Variants in NR3C2 observed in about 807,000 individuals in gnomAD.
The protein encoded by NR3C2 is mineralocorticoid receptor.
A neutral mutation model predicts 86.4 loss-of-function variants in NR3C2; 15 were observed. The observed-to-expected ratio is 0.17, with a 90% CI of 0.12 to 0.27. The LOEUF (loss-of-function observed/expected upper bound fraction) is 0.27, where lower values mean the gene tolerates loss of function less well. Ranked by LOEUF, NR3C2 falls within the 10% of genes least tolerant of loss-of-function variation. NR3C2 has a pLI of 1.00. For synonymous variants in NR3C2, 458 were observed against 450.5 expected (o/e 1.02, Z -0.21); for missense variants, 960 against 1,195.6 (o/e 0.80, Z 2.91).
intron 3 of NR3C2, among the ~76,000 whole-genome samples, chr4:148,207,750 G>C (rs1737075776): frequency 6.6e-6 from 1 of 152,116 alleles, no homozygotes; most frequent in Non-Finnish European, 1.5e-5. Context: ...TTATCCATGA[G>C]GGACATGTTC....
intron 3 of NR3C2, among the ~76,000 whole-genome samples, chr4:148,221,846 A>T (rs1560985797): frequency 6.7e-6 from 1 of 149,566 alleles, no homozygotes; most frequent in Admixed American, 6.7e-5. Context: ...GTGAGCCAAG[A>T]TCTCACCATT....
intron 2 of NR3C2, among the ~76,000 whole-genome samples, chr4:148,379,838 T>TCA (rs796354033): frequency 1.4e-5 from 2 of 147,136 alleles, no homozygotes; most frequent in African/African-American, 5.4e-5. Context: ...TCACAGATGC[T>TCA]CACTTATTAA....
At chr4:148,095,720 C>G (rs1168604590) in intron 8 of NR3C2, among the ~76,000 whole-genome samples, 1 of 152,156 alleles carries the variant, frequency 6.6e-6, no homozygotes, top group Non-Finnish European at 1.5e-5. Context: ...AGGGCTGGTT[C>G]CAGAGTCTAG....
At chr4:148,224,103 G>C (rs1460052134) in intron 3 of NR3C2, among the ~76,000 whole-genome samples, 1 of 150,186 alleles carries the variant, frequency 6.7e-6, no homozygotes, top group African/African-American at 2.4e-5. Flanking sequence ...TAGGTGGGAA[G>C]AATAGGGATC....
At chr4:148,440,467 T>G (rs1267429004) in intron 1 of NR3C2, among the ~76,000 whole-genome samples, 4 of 152,252 alleles carry the variant, frequency 2.6e-5, no homozygotes, top group Non-Finnish European at 5.9e-5. Flanking sequence ...AAAGTTTATG[T>G]TACTAAAGTA....
chr4:148,277,394 C>A (rs1393635941), intron 2 of NR3C2, among the ~76,000 whole-genome samples: 1 of 152,108 alleles, frequency 6.6e-6, no homozygotes, highest in African/African-American at 2.4e-5. Flanking sequence ...TTAAACTATT[C>A]AAATCTCTAG....
chr4:148,195,722 C>T lies in NR3C2; in HGVS notation c.1898-860G>A, dbSNP rs1578999221. Reference sequence around the variant, plus strand: ...TGGACATCTGGGGAAGAACATACACCAGAAAGAAAGAAAAGCAAATGTGGT... The same window carrying T: ...TGGACATCTGGGGAAGAACATACACTAGAAAGAAAGAAAAGCAAATGTGGT... On this transcript the variant is annotated intron_variant, in intron 3 of 8. Coordinates refer to ENST00000358102, the MANE Select transcript of NR3C2 (RefSeq NM_000901.5). Among the ~76,000 whole-genome samples, 4 of 152,136 alleles carry T rather than the reference C, an allele frequency of 2.6e-5. 1 individual carries two copies. Among genetic ancestry groups the T allele is most frequent in the Admixed American group, 2.6e-4 (4 of 15,284 alleles).
At chr4:148,278,790 CTAT>C (rs1044022919) in intron 2 of NR3C2, among the ~76,000 whole-genome samples, 4 of 151,860 alleles carry the variant, frequency 2.6e-5, no homozygotes, top group African/African-American at 9.7e-5. Flanking sequence ...ATGCAGACTA[CTAT>C]ATTTCACACT....
chr4:148,096,036 T>A (rs1731261754), intron 8 of NR3C2, among the ~76,000 whole-genome samples: 1 of 152,238 alleles, frequency 6.6e-6, no homozygotes, highest in Admixed American at 6.5e-5. Flanking sequence ...GGGCTCAATT[T>A]ACTTCTAATT....
At chr4:148,400,193 A>T (rs868345564) in intron 2 of NR3C2, among the ~76,000 whole-genome samples, 8 of 152,216 alleles carry the variant, frequency 5.3e-5, no homozygotes, top group Non-Finnish European at 8.8e-5. Flanking sequence ...CACATTCTTA[A>T]GGCAAATATC....
chr4:148,292,106 T>G (rs1369426462), intron 2 of NR3C2, among the ~76,000 whole-genome samples: 1 of 150,706 alleles, frequency 6.6e-6, no homozygotes, highest in East Asian at 1.9e-4. Context: ...TTGTATTTCT[T>G]TTTTTTTTAA....
chr4:148,436,540 T>C lies in NR3C2; in HGVS notation c.321A>G (p.Leu107=). Residue 107 remains leucine (L), a synonymous_variant, in exon 2 of 9, where the codon TTA becomes TTG. Transcript: ENST00000358102. ...CAGCATCTCTTACAGAATCCATATA[T>C]AAACCCATGGACTCAGCTACAGTTG... ...LSATVAESMG[L]YMDSVRDADY... 1.2e-6 allele frequency: 2 copies of C among 1,614,232 alleles called. No individual in the cohort carries two copies. Among genetic ancestry groups the C allele is most frequent in the South Asian group, 1.1e-5 (1 of 91,088 alleles).
intron 2 of NR3C2, among the ~76,000 whole-genome samples, chr4:148,350,843 C>A (rs377619433): frequency 6.6e-6 from 1 of 152,106 alleles, no homozygotes; most frequent in Non-Finnish European, 1.5e-5. Flanking sequence ...AAATTAATAG[C>A]CCTCAATCTT....
chr4:148,368,584 G>T (rs1746265831), intron 2 of NR3C2: 2 of 151,918 alleles, frequency 1.3e-5, no homozygotes, highest in South Asian at 4.2e-4. Flanking sequence ...TCCTTCCCTG[G>T]CCCTAGCTAT....
At chr4:148,166,177 C>A (rs559711837) in intron 4 of NR3C2, among the ~76,000 whole-genome samples, 1 of 152,318 alleles carries the variant, frequency 6.6e-6, no homozygotes, top group East Asian at 1.9e-4. Context: ...GGTCTGGAAA[C>A]TCCCAGATAA....
At chr4:148,250,881 T>C (rs1009964058) in intron 3 of NR3C2, among the ~76,000 whole-genome samples, 2 of 152,134 alleles carry the variant, frequency 1.3e-5, no homozygotes, top group African/African-American at 2.4e-5. Flanking sequence ...ATTCCTCCTT[T>C]TTCACAGAGC....
chr4:148,382,863 T>G, intron 2 of NR3C2, among the ~76,000 whole-genome samples: 1 of 152,106 alleles, frequency 6.6e-6, no homozygotes, highest in East Asian at 1.9e-4. Flanking sequence ...CGAAGGAAGC[T>G]GAGTTACAAA....
chr4:148,123,036 T>C (rs111751375), intron 6 of NR3C2, among the ~76,000 whole-genome samples: 5,042 of 151,914 alleles, frequency 0.033, 296 homozygotes, highest in African/African-American at 0.11. Flanking sequence ...AAGTAGGAAA[T>C]ATATCACTAA....
At chr4:148,299,429 T>C (rs964291527) in intron 2 of NR3C2, among the ~76,000 whole-genome samples, 2 of 152,142 alleles carry the variant, frequency 1.3e-5, no homozygotes, top group African/African-American at 4.8e-5. Flanking sequence ...TATGGCATTG[T>C]CCTTCTCTTT....
Sources: allele counts gnomAD v4.1 joint callset (sites outside exome capture counted in the v4.1 genomes callset), GRCh38; gene constraint gnomAD v4.1.1; transcripts MANE v1.5; gene names NCBI Gene and HGNC (gene_info 2026-07-23, HGNC 2026-07-21).